EXOC4: variants seen among roughly 807,000 people sequenced by gnomAD.
EXOC4 encodes the protein SEC8-like 1.
Under a neutral mutation model 107.2 loss-of-function variants are expected in EXOC4, and 71 were observed. The observed-to-expected ratio is 0.66, with a 90% CI of 0.55 to 0.81. The LOEUF is 0.81. EXOC4 is among the 30% of genes least tolerant of loss of function. The pLI is 0.00. For synonymous variants in EXOC4, 456 were observed against 441.2 expected (o/e 1.03, Z -0.42); for missense variants, 1,108 against 1,189.6 (o/e 0.93, Z 1.01).
At chr7:133,744,371 G>C (rs1795631626) in intron 10 of EXOC4, among the ~76,000 whole-genome samples, 1 of 152,086 alleles carries the variant, frequency 6.6e-6, no homozygotes, top group Non-Finnish European at 1.5e-5. Context: ...AATAGAGCCA[G>C]GATTTGAATC....
At chr7:133,547,035 A>G (rs1190985871) in intron 9 of EXOC4, among the ~76,000 whole-genome samples, 1 of 152,196 alleles carries the variant, frequency 6.6e-6, no homozygotes, top group African/African-American at 2.4e-5. Context: ...TTATTCATTA[A>G]TCATTCTCTT....
intron 17 of EXOC4, among the ~76,000 whole-genome samples, chr7:134,053,510 C>T (rs1184528365): frequency 6.6e-6 from 1 of 151,194 alleles, no homozygotes; most frequent in Admixed American, 6.6e-5. Context: ...AACTGGCTCC[C>T]GAGTCCATGA....
chr7:133,607,928 G>C (rs1289793987), intron 9 of EXOC4, among the ~76,000 whole-genome samples: 1 of 152,184 alleles, frequency 6.6e-6, no homozygotes, highest in Non-Finnish European at 1.5e-5. Flanking sequence ...AAGGGGTAGT[G>C]GGGGGAGCAA....
intron 10 of EXOC4, among the ~76,000 whole-genome samples, chr7:133,671,786 C>G (rs1458134068): frequency 6.6e-6 from 1 of 151,984 alleles, no homozygotes; most frequent in Non-Finnish European, 1.5e-5. Flanking sequence ...TCAAGCATAT[C>G]GCAAAGGTTT....
chr7:133,935,027 GA>G (rs1475677405), intron 13 of EXOC4, among the ~76,000 whole-genome samples: 1 of 151,664 alleles, frequency 6.6e-6, no homozygotes, highest in East Asian at 1.9e-4. Context: ...GTGGCTTAAA[GA>G]AGTAGGGTTT....
intron 2 of EXOC4, among the ~76,000 whole-genome samples, chr7:133,281,973 G>A (rs1251484701): frequency 6.6e-6 from 1 of 152,098 alleles, no homozygotes; most frequent in African/African-American, 2.4e-5. Flanking sequence ...AAAGTTCTGG[G>A]ATTACAGGCG....
chr7:133,833,339 C>T (rs1278072994), intron 11 of EXOC4, among the ~76,000 whole-genome samples: 5 of 152,016 alleles, frequency 3.3e-5, no homozygotes, highest in South Asian at 2.1e-4. Context: ...TTTACCAAGT[C>T]ATTTAGAGAT....
chr7:133,971,392 A>G (rs564903052), intron 14 of EXOC4, among the ~76,000 whole-genome samples: 26 of 143,052 alleles, frequency 1.8e-4, no homozygotes, highest in African/African-American at 5.3e-4. Context: ...AGAGAGAGAG[A>G]GAGAGAGAGA....
Position 133,804,036 on chromosome 7 carries a change from A to G in EXOC4, c.1515-13289A>G, listed in dbSNP as rs1585158016. On this transcript the variant is annotated intron_variant, in intron 10 of 17. Coordinates refer to ENST00000253861, the MANE Select transcript of EXOC4 (RefSeq NM_021807.4). ...TATGTCGAAATCCTGATAATGTGATATATCAATAGATGACCCAAAGTGAGA... is the reference window on the plus strand; with the variant it reads ...TATGTCGAAATCCTGATAATGTGATGTATCAATAGATGACCCAAAGTGAGA... Among the ~76,000 whole-genome samples, 9 of 152,322 alleles carry G rather than the reference A, an allele frequency of 5.9e-5. No homozygotes were observed. The South Asian group carries it at 1.9e-3, about 32-fold the overall frequency.
the EXOC4 span, among the ~76,000 whole-genome samples, chr7:134,089,409 G>A: frequency 2.7e-3 from 404 of 152,220 alleles, 1 homozygote; most frequent in South Asian, 0.01. Flanking sequence ...TTAACTCTTA[G>A]CAACTCTTAC....
chr7:133,316,095 C>G lies in EXOC4; in HGVS notation c.657-1189C>G, dbSNP rs186514323. ...ACAGTGTGAAATTATCACTTGAACC[C>G]GAATTATCACTTAACAAACTTTATT... is the stretch of plus-strand genomic sequence containing the variant. On this transcript the variant is annotated intron_variant, in intron 4 of 17. Transcript: ENST00000253861. Among the ~76,000 whole-genome samples, 422 of 152,158 alleles carry G rather than the reference C, an allele frequency of 2.8e-3. 1 individual carries two copies. The highest frequency in any genetic ancestry group is 9.8e-3 in the African/African-American group (405 of 41,494).
chr7:133,809,481 A>T (rs1332183914), intron 10 of EXOC4, among the ~76,000 whole-genome samples: 2 of 152,212 alleles, frequency 1.3e-5, no homozygotes, highest in South Asian at 4.1e-4. Flanking sequence ...AGTCTTTATT[A>T]ATAGGAGAGA....
chr7:133,552,467 T>A (rs1800609310), intron 9 of EXOC4, among the ~76,000 whole-genome samples: 1 of 152,168 alleles, frequency 6.6e-6, no homozygotes, highest in Non-Finnish European at 1.5e-5. Flanking sequence ...TTTATTAATA[T>A]CCAACATGTG....
In EXOC4 at chr7:133,638,433, T is replaced by C. The variant is rs549978839; in HGVS notation, c.1514+8292T>C. Among the ~76,000 whole-genome samples, 8 of 152,252 alleles carry C rather than the reference T, an allele frequency of 5.3e-5. No individual in the cohort carries two copies. In the East Asian group the frequency reaches 1.5e-3, roughly 29 times the overall value. On this transcript the variant is annotated intron_variant, in intron 10 of 17. Coordinates refer to ENST00000253861, the MANE Select transcript of EXOC4 (RefSeq NM_021807.4). Reference sequence around the variant, plus strand: ...GATATGTTTCTTCCAATCTTGCTCATTTGAGTTACTTTTTTATACTTCAGC... The same window carrying C: ...GATATGTTTCTTCCAATCTTGCTCACTTGAGTTACTTTTTTATACTTCAGC...
At chr7:133,444,303 G>T (rs1187077233) in intron 7 of EXOC4, among the ~76,000 whole-genome samples, 1 of 152,126 alleles carries the variant, frequency 6.6e-6, no homozygotes, top group Non-Finnish European at 1.5e-5. Flanking sequence ...TTTTCTCCAG[G>T]CTCTTTATTC....
At chr7:133,885,585 T>G (rs1427172558) in intron 11 of EXOC4, among the ~76,000 whole-genome samples, 1 of 152,152 alleles carries the variant, frequency 6.6e-6, no homozygotes, top group Non-Finnish European at 1.5e-5. Flanking sequence ...AACCAGTGAT[T>G]ACCACACTCC....
chr7:133,603,947 G>A (rs1801871139), intron 9 of EXOC4, among the ~76,000 whole-genome samples: 2 of 151,770 alleles, frequency 1.3e-5, no homozygotes, highest in South Asian at 2.1e-4. Flanking sequence ...ACAGTGTACA[G>A]CTGTACAAAA....
intron 9 of EXOC4, among the ~76,000 whole-genome samples, chr7:133,564,313 C>CA (rs1171453139): frequency 6.6e-6 from 1 of 152,062 alleles, no homozygotes. Flanking sequence ...AGGTGCCACA[C>CA]ACTTTCAAAC....
At position 134,007,813 on chromosome 7, in the gene EXOC4, G is replaced by A; in HGVS notation, c.2665G>A (p.Glu889Lys). 6.2e-7 allele frequency: 1 copy of A among 1,613,308 alleles called. No homozygotes were observed. The highest frequency in any genetic ancestry group is 1.1e-5 in the South Asian group (1 of 91,010). ...TTTGACCAACATCACCATGTCGCGGGAGGCAGACCTGGACTTTGCAAGGTA... is the reference window on the plus strand; with the variant it reads ...TTTGACCAACATCACCATGTCGCGGAAGGCAGACCTGGACTTTGCAAGGTA... ...QNLTNITMSR[E>K]ADLDFARQYY... Residue 889 changes from glutamate to lysine, a missense_variant, in exon 17 of 18, where the codon GAG becomes AAG. By Grantham distance (56) the Glu-to-Lys change is moderately conservative. Coordinates refer to ENST00000253861, the MANE Select transcript of EXOC4 (RefSeq NM_021807.4).
Sources: gnomAD v4.1 joint callset for allele counts (sites outside exome capture counted in the v4.1 genomes callset) on GRCh38, gnomAD v4.1.1 for gene constraint, MANE v1.5 for transcripts, NCBI Gene and HGNC (gene_info 2026-07-23, HGNC 2026-07-21) for gene names.